L3MBTL4: variants seen among roughly 807,000 people sequenced by gnomAD.
L3MBTL4 encodes the protein lethal(3)malignant brain tumor-like protein 4.
L3MBTL4 carries 70 observed loss-of-function variants against 84.5 expected under a neutral mutation model. That is an observed-to-expected ratio of 0.83 (90% CI 0.68 to 1.01). The LOEUF is 1.01. L3MBTL4 is among the 50% of genes least tolerant of loss of function. L3MBTL4 has a pLI of 0.00. For synonymous variants in L3MBTL4, 274 were observed against 259.8 expected (o/e 1.05, Z -0.52); for missense variants, 715 against 754.8 (o/e 0.95, Z 0.62).
At chr18:6,398,682 A>C (rs1170280894) in intron 1 of L3MBTL4, among the ~76,000 whole-genome samples, 1 of 147,856 alleles carries the variant, frequency 6.8e-6, no homozygotes, top group Non-Finnish European at 1.5e-5. Flanking sequence ...TGTGCCTCAC[A>C]CTATTCCAAA....
chr18:6,163,895 G>A (rs546992377), intron 13 of L3MBTL4, among the ~76,000 whole-genome samples: 35 of 152,192 alleles, frequency 2.3e-4, no homozygotes, highest in Admixed American at 7.8e-4. Flanking sequence ...CAACTCACCC[G>A]GGAAGCACAA....
intron 4 of L3MBTL4, among the ~76,000 whole-genome samples, chr18:6,273,876 G>A (rs745690589): frequency 1.3e-5 from 2 of 152,168 alleles, no homozygotes; most frequent in Non-Finnish European, 2.9e-5. Flanking sequence ...GTGAAGATCT[G>A]GTGACTCAAC....
At chr18:6,122,671 T>C (rs895398766) in intron 14 of L3MBTL4, among the ~76,000 whole-genome samples, 3 of 152,214 alleles carry the variant, frequency 2.0e-5, no homozygotes, top group Admixed American at 6.6e-5. Context: ...TATGTCTTTA[T>C]CAGCAGCATG....
In L3MBTL4 at chr18:5,976,167, G is replaced by A. The variant is rs2052920731; in HGVS notation, c.1445-6605C>T. Reference sequence around the variant, plus strand: ...CTGAAATGTGAAGCGTGCAAACTGAGATGTGCTATAGTACCTCCTGGATTT... The same window carrying A: ...CTGAAATGTGAAGCGTGCAAACTGAAATGTGCTATAGTACCTCCTGGATTT... On this transcript the variant is annotated intron_variant, in intron 16 of 18. Coordinates refer to ENST00000317931, the MANE Select transcript of L3MBTL4 (RefSeq NM_001330559.2). Among the ~76,000 whole-genome samples, 3 of 152,206 alleles carry A rather than the reference G, an allele frequency of 2.0e-5. No homozygotes were observed. In the South Asian group the frequency reaches 6.2e-4, roughly 32 times the overall value.
chr18:6,272,518 G>A (rs486925), intron 4 of L3MBTL4, among the ~76,000 whole-genome samples: 13 of 67,138 alleles, frequency 1.9e-4, no homozygotes, highest in Non-Finnish European at 2.4e-4. Context: ...GGGGAAAGGG[G>A]GAGTTGTGCA....
intron 16 of L3MBTL4, chr18:6,030,464 A>G: frequency 1.0e-6 from 1 of 980,232 alleles, no homozygotes; most frequent in South Asian, 4.7e-5. Flanking sequence ...GCTTTACTAA[A>G]CAAGTGAAGT....
chr18:6,065,019 G>A lies in L3MBTL4; in HGVS notation c.1444+15862C>T, dbSNP rs577444. Among the ~76,000 whole-genome samples the A allele has an allele frequency of 6.3e-3, 953 of 152,046 alleles. 7 individuals carry two copies. The highest frequency in any genetic ancestry group is 0.021 in the African/African-American group (870 of 41,518). On this transcript the variant is annotated intron_variant, in intron 16 of 18. Coordinates refer to ENST00000317931, the MANE Select transcript of L3MBTL4 (RefSeq NM_001330559.2). ...TATGGCTTTTGTTATTTTGAGGTAA[G>A]CCCCTTCTATGTGTATTTTTTTGAG...
chr18:6,311,516 A>G, intron 3 of L3MBTL4, 38 bp downstream of exon 3: 1 of 1,566,218 alleles, frequency 6.4e-7, no homozygotes, highest in Non-Finnish European at 8.8e-7. Flanking sequence ...GGTAGCGATC[A>G]CACACTGTGA....
chr18:6,257,663 TTA>T, intron 5 of L3MBTL4, among the ~76,000 whole-genome samples: 1 of 149,190 alleles, frequency 6.7e-6, no homozygotes. Context: ...TTTTTTTTTT[TTA>T]AATGGAGTTT....
intron 15 of L3MBTL4, among the ~76,000 whole-genome samples, chr18:6,085,376 C>T (rs2058225229): frequency 6.6e-6 from 1 of 152,142 alleles, no homozygotes; most frequent in Admixed American, 6.6e-5. Flanking sequence ...AAATAAAACA[C>T]ATTGCAGATT....
chr18:6,302,101 C>T (rs2050366289), intron 3 of L3MBTL4, 144 bp from the exon 4 acceptor site: 8 of 751,450 alleles, frequency 1.1e-5, no homozygotes, highest in South Asian at 7.4e-5. Flanking sequence ...CAGAGTCTTC[C>T]GGTGGGTGCC....
chr18:6,244,100 G>A (rs2047559638), intron 6 of L3MBTL4, among the ~76,000 whole-genome samples: 1 of 152,070 alleles, frequency 6.6e-6, no homozygotes, highest in Non-Finnish European at 1.5e-5. Context: ...TAAAGTGAAT[G>A]TATTTATATA....
At chr18:6,413,418 A>T (rs1041336774) in intron 1 of L3MBTL4, among the ~76,000 whole-genome samples, 7 of 152,068 alleles carry the variant, frequency 4.6e-5, no homozygotes, top group African/African-American at 1.4e-4. Context: ...ATCCCTTTGG[A>T]TACTCCAAGA....
chr18:6,380,520 T>C (rs147335815), intron 1 of L3MBTL4, among the ~76,000 whole-genome samples: 4,434 of 152,326 alleles, frequency 0.029, 87 homozygotes, highest in Admixed American at 0.05. Flanking sequence ...CATTGTGTTG[T>C]TGTTCTCATT....
In L3MBTL4 at chr18:6,320,219, G is replaced by A. The variant is rs200548148; in HGVS notation, c.-90-8163C>T. On this transcript the variant is annotated intron_variant, in intron 1 of 18. Transcript: ENST00000317931. ...AAATGGGGAAAAGTTGAAAGCATTC[G>A]CCCTTGAGAACTAAAACAAGGATGC... 3.8e-4 allele frequency among the ~76,000 whole-genome samples: 57 copies of A among 151,908 alleles called. No homozygotes were observed. The East Asian group carries it at 7.5e-3, about 20-fold the overall frequency.
At chr18:6,256,351 G>T (rs1400734617) in intron 5 of L3MBTL4, among the ~76,000 whole-genome samples, 1 of 151,994 alleles carries the variant, frequency 6.6e-6, no homozygotes, top group African/African-American at 2.4e-5. Context: ...TTCAAGTAAG[G>T]AAGACAAAGA....
intron 16 of L3MBTL4, among the ~76,000 whole-genome samples, chr18:6,009,514 T>C (rs2054638371): frequency 6.6e-6 from 1 of 152,178 alleles, no homozygotes; most frequent in Admixed American, 6.5e-5. Flanking sequence ...CACTGCCCCT[T>C]GGTATTCATG....
intron 1 of L3MBTL4, chr18:6,396,723 T>C (rs1271028567): frequency 6.6e-6 from 1 of 152,248 alleles, no homozygotes. Flanking sequence ...GGGGCAATAT[T>C]GCCATCCATA....
At chr18:6,072,865 C>CAAAAAAAAAA (rs71370542) in intron 16 of L3MBTL4, among the ~76,000 whole-genome samples, 1 of 3,066 alleles carries the variant, frequency 3.3e-4, no homozygotes, top group Non-Finnish European at 3.8e-4. Context: ...GACTCCGTCT[C>CAAAAAAAAAA]AAAAAAAAAA....
Sources: gnomAD v4.1 joint callset for allele counts (sites outside exome capture counted in the v4.1 genomes callset) on GRCh38, gnomAD v4.1.1 for gene constraint, MANE v1.5 for transcripts, NCBI Gene and HGNC (gene_info 2026-07-23, HGNC 2026-07-21) for gene names.